Variants in PRKN observed in about 807,000 individuals in gnomAD.
PRKN encodes E3 ubiquitin-protein ligase parkin.
A neutral mutation model predicts 59.5 loss-of-function variants in PRKN; 56 were observed. The observed-to-expected ratio is 0.94, with a 90% CI of 0.76 to 1.18. The LOEUF (loss-of-function observed/expected upper bound fraction) is 1.18. PRKN is among the 50% of genes most tolerant of loss of function. The pLI is 0.00. For synonymous variants in PRKN, 250 were observed against 222.1 expected (o/e 1.13, Z -1.12); for missense variants, 657 against 596.4 (o/e 1.10, Z -1.06).
chr6:162,023,405 T>G (rs1470769886), intron 5 of PRKN, among the ~76,000 whole-genome samples: 1 of 152,114 alleles, frequency 6.6e-6, no homozygotes, highest in Non-Finnish European at 1.5e-5. Context: ...TGGAAGTATC[T>G]CTCAGCTGAT....
intron 1 of PRKN, among the ~76,000 whole-genome samples, chr6:162,658,991 G>A (rs1778776779): frequency 6.6e-6 from 1 of 152,158 alleles, no homozygotes; most frequent in African/African-American, 2.4e-5. Flanking sequence ...CCTTTGGAAA[G>A]AATCAAGCTG....
Position 162,056,740 on chromosome 6 carries a change from ATCT to A in PRKN, c.535-2569_535-2567del, listed in dbSNP as rs889683110. On this transcript the variant is annotated intron_variant, in intron 4 of 11. Coordinates refer to ENST00000366898, the MANE Select transcript of PRKN (RefSeq NM_004562.3). The surrounding 1 kb of genome is among the most constrained non-coding windows in gnomAD (Gnocchi z 4.9). The stretch of plus-strand genomic sequence containing the variant: ...TGCACAAACCATGGCTATGCACAAC[ATCT>A]TCTCACCCTCGGCAAGGCTGGAATT... Among the ~76,000 whole-genome samples the A allele has an allele frequency of 6.6e-6, 1 of 152,184 alleles. No homozygotes were observed. The highest frequency in any genetic ancestry group is 1.5e-5 in the Non-Finnish European group (1 of 68,032).
chr6:161,577,092 C>G (rs1781160030), intron 7 of PRKN, among the ~76,000 whole-genome samples: 1 of 152,136 alleles, frequency 6.6e-6, no homozygotes, highest in Admixed American at 6.5e-5. Flanking sequence ...TCAAATCTGT[C>G]TTAAAGTGTA....
At chr6:161,790,000 T>C (rs1021170720) in intron 6 of PRKN, among the ~76,000 whole-genome samples, 1 of 152,152 alleles carries the variant, frequency 6.6e-6, no homozygotes, top group African/African-American at 2.4e-5. Flanking sequence ...AGTGGATAAA[T>C]ACCTTATAGT....
At chr6:162,096,471 C>T (rs1444119557) in intron 4 of PRKN, among the ~76,000 whole-genome samples, 2 of 152,182 alleles carry the variant, frequency 1.3e-5, no homozygotes, top group East Asian at 1.9e-4. Flanking sequence ...CGTACTATAG[C>T]TGGTGATATG....
At chr6:162,103,302 T>A (rs1021266323) in intron 4 of PRKN, among the ~76,000 whole-genome samples, 5 of 152,130 alleles carry the variant, frequency 3.3e-5, no homozygotes, top group African/African-American at 1.2e-4. Flanking sequence ...CACTTGTAAG[T>A]ATACATATGA....
At chr6:162,724,493 A>G (rs890811023) in intron 1 of PRKN, among the ~76,000 whole-genome samples, 2 of 152,238 alleles carry the variant, frequency 1.3e-5, no homozygotes, top group African/African-American at 4.8e-5. Flanking sequence ...TCTACCAGGA[A>G]ACCCATCTTT....
At chr6:161,618,535 G>A (rs995439304) in intron 7 of PRKN, among the ~76,000 whole-genome samples, 2 of 151,902 alleles carry the variant, frequency 1.3e-5, no homozygotes, top group African/African-American at 4.8e-5. Context: ...TTTATTCTCA[G>A]TATTATGCCC....
chr6:161,897,770 A>G (rs1212690904), intron 6 of PRKN, among the ~76,000 whole-genome samples: 2 of 150,950 alleles, frequency 1.3e-5, no homozygotes, highest in Non-Finnish European at 2.9e-5. Context: ...TCACGAGGTC[A>G]GGAGATCGAG....
Position 162,064,564 on chromosome 6 carries a change from T to G in PRKN, c.535-10390A>C, listed in dbSNP as rs570082050. ...TAGGGCTTTGAACTGGTTACTAACC[T>G]TCATCATCAGGCTACAAAACTCTTA... On this transcript the variant is annotated intron_variant, in intron 4 of 11. Transcript: ENST00000366898. 1.4e-4 allele frequency among the ~76,000 whole-genome samples: 22 copies of G among 152,326 alleles called. 2 individuals are homozygous for G. In the South Asian group the frequency reaches 4.4e-3, roughly 30 times the overall value.
Position 161,588,886 on chromosome 6 carries a change from T to C in PRKN, c.872-19470A>G, listed in dbSNP as rs1781614375. On this transcript the variant is annotated intron_variant, in intron 7 of 11. Coordinates refer to ENST00000366898, the MANE Select transcript of PRKN (RefSeq NM_004562.3). The surrounding 1 kb of genome is among the most constrained non-coding windows in gnomAD (Gnocchi z 5.0). ...TGAGTTTCAGTAAAGTACCAAGTCC[T>C]TTTTTTTTAGCCTAAGCCTGACCCA... 6.6e-6 allele frequency among the ~76,000 whole-genome samples: 1 copy of C among 150,942 alleles called. No individual in the cohort carries two copies. Among genetic ancestry groups the C allele is most frequent in the Admixed American group, 6.6e-5 (1 of 15,108 alleles).
intron 2 of PRKN, among the ~76,000 whole-genome samples, chr6:162,375,045 T>A (rs1232567627): frequency 6.6e-6 from 1 of 152,244 alleles, no homozygotes; most frequent in South Asian, 2.1e-4. Context: ...TTAGGAACAA[T>A]TTTAGTAACA....
Position 161,399,194 on chromosome 6 carries a change from T to C in PRKN, c.1084-12317A>G, listed in dbSNP as rs1326044777. Among the ~76,000 whole-genome samples, 2 of 151,974 alleles carry C rather than the reference T, an allele frequency of 1.3e-5. No individual in the cohort carries two copies. Among genetic ancestry groups the C allele is most frequent in the Non-Finnish European group, 2.9e-5 (2 of 67,968 alleles). On this transcript the variant is annotated intron_variant, in intron 9 of 11. Coordinates refer to ENST00000366898, the MANE Select transcript of PRKN (RefSeq NM_004562.3). This position sits in a 1 kb window ranked among gnomAD's most constrained non-coding sequence, Gnocchi z 4.4. ...CATCCCCTTTCCAGCTCCCCATCCA[T>C]CCATCCCACTGAGAGCCACATCCAC...
At chr6:161,590,424 C>T (rs1036580061) in intron 7 of PRKN, among the ~76,000 whole-genome samples, 30 of 151,948 alleles carry the variant, frequency 2.0e-4, no homozygotes, top group African/African-American at 7.3e-4. Flanking sequence ...ATGGTGAAAC[C>T]CCATCTCTAC....
intron 1 of PRKN, among the ~76,000 whole-genome samples, chr6:162,539,824 A>G (rs1778856902): frequency 6.6e-6 from 1 of 152,228 alleles, no homozygotes; most frequent in South Asian, 2.1e-4. Flanking sequence ...GACACATGCA[A>G]AAGATGTAAA....
intron 2 of PRKN, chr6:162,267,144 G>A (rs147483993): frequency 9.9e-5 from 15 of 152,210 alleles, no homozygotes; most frequent in African/African-American, 3.6e-4. Context: ...AGCTGCAAAG[G>A]GGAAAAGAAA....
chr6:162,172,784 A>G (rs1211540558), intron 4 of PRKN, among the ~76,000 whole-genome samples: 1 of 152,180 alleles, frequency 6.6e-6, no homozygotes, highest in Non-Finnish European at 1.5e-5. Context: ...CAGAAAAACC[A>G]AAGGAACAAA....
chr6:162,280,417 C>T (rs896522185), intron 2 of PRKN, among the ~76,000 whole-genome samples: 1 of 151,980 alleles, frequency 6.6e-6, no homozygotes, highest in Non-Finnish European at 1.5e-5. Flanking sequence ...TAAATGCCCA[C>T]ATCAGAAGGA....
chr6:162,403,340 C>T (rs942240560), intron 2 of PRKN, among the ~76,000 whole-genome samples: 4 of 152,090 alleles, frequency 2.6e-5, no homozygotes, highest in African/African-American at 7.2e-5. Flanking sequence ...CTGTGCCTCA[C>T]TCCCTCACCC....
Sources: gnomAD v4.1 joint callset for allele counts (sites outside exome capture counted in the v4.1 genomes callset) on GRCh38, gnomAD v4.1.1 for gene constraint, Gnocchi (gnomAD v3.1) non-coding constraint, MANE v1.5 for transcripts, NCBI Gene and HGNC (gene_info 2026-07-23, HGNC 2026-07-21) for gene names.